RUFY3: variants seen among roughly 807,000 people sequenced by gnomAD.
RUFY3 encodes the protein protein RUFY3.
Under a neutral mutation model 84.0 loss-of-function variants are expected in RUFY3, and 34 were observed. That is an observed-to-expected ratio of 0.40 (90% CI 0.31 to 0.54). The LOEUF is 0.54. Among genes scored for constraint, RUFY3 ranks in the 20% least tolerant of loss-of-function variants. The pLI is 0.39. For synonymous variants in RUFY3, 242 were observed against 252.9 expected, an observed-to-expected ratio of 0.96 and a Z score of 0.41; for missense variants, 507 against 736.8, an observed-to-expected ratio of 0.69 and a Z score of 3.61.
At chr4:70,795,297 G>A (rs541449030) in intron 14 of RUFY3, among the ~76,000 whole-genome samples, 9 of 152,224 alleles carry the variant, frequency 5.9e-5, no homozygotes, top group Admixed American at 5.2e-4. Flanking sequence ...ATGTGGATTT[G>A]CTTCTGTATA....
chr4:70,791,715 G>A, intron 12 of RUFY3: 1 of 1,003,098 alleles, frequency 1.0e-6, no homozygotes, highest in Non-Finnish European at 1.2e-6. Context: ...CCATTGCAGT[G>A]TGATGAACCT....
chr4:70,779,120 G>T (rs1728474502), intron 8 of RUFY3, among the ~76,000 whole-genome samples: 2 of 152,322 alleles, frequency 1.3e-5, no homozygotes, highest in South Asian at 4.1e-4. Context: ...TATGTGCCAG[G>T]CATTGATTTA....
intron 7 of RUFY3, among the ~76,000 whole-genome samples, chr4:70,776,907 G>A (rs1341583408): frequency 6.6e-6 from 1 of 152,324 alleles, no homozygotes; most frequent in South Asian, 2.1e-4. Context: ...ACAATTCAGT[G>A]TTGTATATAT....
chr4:70,722,035 C>T lies in RUFY3; in HGVS notation c.-539C>T. 8.1e-7 allele frequency: 1 copy of T among 1,232,178 alleles called. No homozygotes were observed. Among genetic ancestry groups the T allele is most frequent in the Middle Eastern group, 3.1e-4 (1 of 3,208 alleles). The allele number at this position is 1,232,178 out of a possible 1,614,324, so 76.3% of individuals were successfully genotyped here. ...GGCCAATCCTATGAGAACTCAGCAT[C>T]CCAGCTCATCTGAGCAGATCCTGGA... On this transcript the variant is annotated 5_prime_UTR_variant, in exon 1 of 18. Coordinates refer to ENST00000381006, the MANE Select transcript of RUFY3 (RefSeq NM_001037442.4).
intron 15 of RUFY3, among the ~76,000 whole-genome samples, chr4:70,802,710 T>C (rs80128619): frequency 6.6e-6 from 1 of 152,208 alleles, no homozygotes; most frequent in Non-Finnish European, 1.5e-5. Flanking sequence ...TAACTTCAAA[T>C]CTATTTTTAA....
chr4:70,796,942 TTTTC>T (rs1186586447), intron 14 of RUFY3, among the ~76,000 whole-genome samples: 1,584 of 146,052 alleles, frequency 0.011, 17 homozygotes, highest in African/African-American at 0.037. Context: ...TTTTCTTTTC[TTTTC>T]TTTTTTTTTT....
intron 6 of RUFY3, 135 bp downstream of exon 6, chr4:70,773,707 T>C (rs1727369846): frequency 6.6e-6 from 4 of 602,132 alleles, no homozygotes; most frequent in Non-Finnish European, 1.2e-5. Context: ...TTTAATAAAG[T>C]CTTGCCAGAA....
At chr4:70,705,358 C>T in intron 1 of RUFY3, 1 of 1,186,470 alleles carries the variant, frequency 8.4e-7, no homozygotes, top group Non-Finnish European at 1.1e-6. Flanking sequence ...GGAGGGCCGG[C>T]CCGGCCCCCG....
chr4:70,738,129 ATGC>A (rs60027075), intron 1 of RUFY3, among the ~76,000 whole-genome samples: 13,822 of 151,104 alleles, frequency 0.091, 1,335 homozygotes, highest in African/African-American at 0.24. Context: ...GATTAGAGGC[ATGC>A]TGCACTACCA....
intron 1 of RUFY3, among the ~76,000 whole-genome samples, chr4:70,707,435 G>A (rs1344397512): frequency 6.6e-6 from 1 of 152,060 alleles, no homozygotes; most frequent in Non-Finnish European, 1.5e-5. Flanking sequence ...TAGTAGAGAC[G>A]AGGTTTCACC....
At chr4:70,748,360 T>C (rs1160790785) in intron 1 of RUFY3, among the ~76,000 whole-genome samples, 1 of 152,194 alleles carries the variant, frequency 6.6e-6, no homozygotes, top group Non-Finnish European at 1.5e-5. Flanking sequence ...CCTTCATGTG[T>C]TCTGTGATAC....
At chr4:70,718,943 G>A (rs147542766), upstream of RUFY3, among the ~76,000 whole-genome samples, 674 of 152,216 alleles carry the variant, frequency 4.4e-3, 21 homozygotes, top group South Asian at 0.054. Flanking sequence ...TTGAACTCCC[G>A]ACTTCAGGTG....
rs192886941 is a variant in RUFY3 at position 70,715,540 on chromosome 4, C to T, written c.358+10246C>T. On this transcript the variant is annotated intron_variant, in intron 1 of 11. Coordinates refer to the RUFY3 transcript ENST00000417478. ...CCGGGAGGCAGAGGTTGCAGTGAGC[C>T]GAGATCGTGCCACTGCACCCTAACC... 3.4e-3 allele frequency among the ~76,000 whole-genome samples: 476 copies of T among 138,908 alleles called. 4 individuals carry two copies. The highest frequency in any genetic ancestry group is 0.012 in the African/African-American group (452 of 37,586). 91.1% of individuals were successfully genotyped at this position (138,908 alleles called of 152,430 possible).
At position 70,807,070 on chromosome 4, in the gene RUFY3, T is replaced by C. The variant is rs1732923215; in HGVS notation, c.*411T>C. ...AGATTCAAGGGGGAGAGGTAGATGCTGAGATCAAAATGACAGTTGTTACTT... is the reference window on the plus strand; with the variant it reads ...AGATTCAAGGGGGAGAGGTAGATGCCGAGATCAAAATGACAGTTGTTACTT... On this transcript the variant is annotated 3_prime_UTR_variant, in exon 18 of 18. Transcript: ENST00000381006. 6.5e-6 allele frequency: 1 copy of C among 153,872 alleles called. No individual in the cohort carries two copies. The highest frequency in any genetic ancestry group is 2.4e-5 in the African/African-American group (1 of 41,516). 9.5% of individuals were successfully genotyped at this position (153,872 alleles called of 1,614,324 possible). A position where few individuals can be genotyped will look rare whatever the true frequency, so the allele number is the denominator to read the frequency against.
chr4:70,729,786 G>A (rs2148608733), intron 1 of RUFY3, among the ~76,000 whole-genome samples: 1 of 152,170 alleles, frequency 6.6e-6, no homozygotes, highest in Non-Finnish European at 1.5e-5. Context: ...GTCTGAACAA[G>A]TTATTTATCA....
intron 1 of RUFY3, among the ~76,000 whole-genome samples, chr4:70,730,134 C>G (rs576127842): frequency 6.6e-6 from 1 of 151,992 alleles, no homozygotes; most frequent in Admixed American, 6.5e-5. Context: ...AGGTTTTCAC[C>G]ATGTTGGCCA....
At chr4:70,709,930 G>T (rs778892826) in intron 1 of RUFY3, among the ~76,000 whole-genome samples, 1 of 152,226 alleles carries the variant, frequency 6.6e-6, no homozygotes, top group Non-Finnish European at 1.5e-5. Context: ...GCTGTTTTGA[G>T]ATAGGAGGAA....
intron 14 of RUFY3, among the ~76,000 whole-genome samples, chr4:70,797,314 A>G (rs1731648361): frequency 6.6e-6 from 1 of 152,190 alleles, no homozygotes; most frequent in African/African-American, 2.4e-5. Context: ...ATATATTAAA[A>G]TAAGTTAATA....
chr4:70,746,271 G>A (rs1479220162), intron 1 of RUFY3, among the ~76,000 whole-genome samples: 1 of 151,920 alleles, frequency 6.6e-6, no homozygotes, highest in Non-Finnish European at 1.5e-5. Flanking sequence ...TTGAGCCCGG[G>A]AGGCGGAGGT....
Sources: gnomAD v4.1 joint callset for allele counts (sites outside exome capture counted in the v4.1 genomes callset) on GRCh38, gnomAD v4.1.1 for gene constraint, MANE v1.5 for transcripts, NCBI Gene and HGNC (gene_info 2026-07-23, HGNC 2026-07-21) for gene names.